Variants in GRB2 observed in about 807,000 individuals in gnomAD.
The protein encoded by GRB2 is growth factor receptor-bound protein 2.
GRB2 carries 2 observed loss-of-function variants against 27.4 expected under a neutral mutation model. The observed-to-expected ratio is 0.07, with a 90% confidence interval of 0.03 to 0.23. The LOEUF (loss-of-function observed/expected upper bound fraction) is 0.23. Among genes scored for constraint, GRB2 ranks in the 10% least tolerant of loss-of-function variants. The pLI is 1.00. For synonymous variants in GRB2, 94 were observed against 99.6 expected (o/e 0.94, Z 0.33); for missense variants, 102 against 282.4 (o/e 0.36, Z 4.58).
At chr17:75,321,330 C>A (rs1473375982) in intron 5 of GRB2, among the ~76,000 whole-genome samples, 1 of 151,980 alleles carries the variant, frequency 6.6e-6, no homozygotes, top group Non-Finnish European at 1.5e-5. Flanking sequence ...GTGTGCGCCA[C>A]CACATCCAGC....
At chr17:75,361,289 C>G (rs898360906) in intron 2 of GRB2, among the ~76,000 whole-genome samples, 1 of 152,092 alleles carries the variant, frequency 6.6e-6, no homozygotes, top group Non-Finnish European at 1.5e-5. Flanking sequence ...ATTTTGCGAA[C>G]CTGTCTTAAA....
At chr17:75,380,678 T>C (rs151313026) in intron 2 of GRB2, among the ~76,000 whole-genome samples, 45 of 152,332 alleles carry the variant, frequency 3.0e-4, no homozygotes, top group African/African-American at 1.1e-3. Context: ...AATTAAATTA[T>C]GAATACATGC....
chr17:75,324,578 C>T (rs1000649780), intron 4 of GRB2, among the ~76,000 whole-genome samples: 11 of 135,478 alleles, frequency 8.1e-5, no homozygotes, highest in East Asian at 2.2e-4. Context: ...AGTGCAATGG[C>T]GCCATCTCGC....
chr17:75,352,486 T>C (rs1412664530), intron 2 of GRB2, among the ~76,000 whole-genome samples: 1 of 146,014 alleles, frequency 6.8e-6, no homozygotes, highest in Non-Finnish European at 1.5e-5. Flanking sequence ...AAAGGAGAAA[T>C]GTGTGTACAA....
chr17:75,392,628 A>T (rs952424853), intron 2 of GRB2, among the ~76,000 whole-genome samples: 3 of 152,228 alleles, frequency 2.0e-5, no homozygotes, highest in African/African-American at 2.4e-5. Context: ...CAATCAGTCT[A>T]AGGCTCAGAA....
intron 4 of GRB2, among the ~76,000 whole-genome samples, chr17:75,322,721 C>A (rs898902481): frequency 9.9e-5 from 15 of 152,258 alleles, no homozygotes; most frequent in African/African-American, 3.4e-4. Context: ...CCGGCAACAG[C>A]GTGGCTGGCT....
intron 2 of GRB2, among the ~76,000 whole-genome samples, chr17:75,386,339 A>G (rs1487489439): frequency 6.6e-6 from 1 of 152,140 alleles, no homozygotes; most frequent in Non-Finnish European, 1.5e-5. Context: ...GGCTGGTCGC[A>G]AACTCTGACC....
chr17:75,401,552 A>T (rs370425968), intron 1 of GRB2, among the ~76,000 whole-genome samples: 2 of 151,642 alleles, frequency 1.3e-5, no homozygotes, highest in East Asian at 3.9e-4. Flanking sequence ...TTGTATTTTC[A>T]TTATTTTTAC....
At chr17:75,343,049 CAAAAAA>C (rs56264803) in intron 2 of GRB2, among the ~76,000 whole-genome samples, 3 of 58,596 alleles carry the variant, frequency 5.1e-5, no homozygotes, top group East Asian at 1.1e-3. Flanking sequence ...AACCTTGTCT[CAAAAAA>C]AAAAAAAAGG....
chr17:75,380,038 C>G (rs139778590), intron 2 of GRB2, among the ~76,000 whole-genome samples: 2 of 152,148 alleles, frequency 1.3e-5, no homozygotes, highest in African/African-American at 2.4e-5. Flanking sequence ...CCAGTTTTAG[C>G]GCCAATTTGT....
At chr17:75,388,919 C>G (rs2078981694) in intron 2 of GRB2, among the ~76,000 whole-genome samples, 1 of 152,140 alleles carries the variant, frequency 6.6e-6, no homozygotes, top group South Asian at 2.1e-4. Flanking sequence ...TAAAATGCCC[C>G]TATCTGACAG....
intron 2 of GRB2, among the ~76,000 whole-genome samples, chr17:75,344,123 G>A (rs561874539): frequency 4.1e-4 from 63 of 152,196 alleles, no homozygotes; most frequent in African/African-American, 8.7e-4. Flanking sequence ...CACCAAAGAC[G>A]ATGACTTAAC....
At chr17:75,350,861 T>C (rs57518518) in intron 2 of GRB2, among the ~76,000 whole-genome samples, 6,257 of 152,050 alleles carry the variant, frequency 0.041, 409 homozygotes, top group African/African-American at 0.14. Flanking sequence ...GGGACGGGCA[T>C]TGAGGACACA....
At chr17:75,401,526 G>T (rs995680771) in intron 1 of GRB2, among the ~76,000 whole-genome samples, 1 of 150,262 alleles carries the variant, frequency 6.7e-6, no homozygotes, top group Non-Finnish European at 1.5e-5. Flanking sequence ...TTTACTTTCT[G>T]CATGATACAC....
intron 1 of GRB2, among the ~76,000 whole-genome samples, chr17:75,401,435 G>C (rs2079063203): frequency 2.5e-5 from 3 of 117,842 alleles, no homozygotes; most frequent in African/African-American, 9.3e-5. Context: ...CTGGGCGACA[G>C]AGCGAGACTC....
At chr17:75,360,736 C>G in intron 2 of GRB2, among the ~76,000 whole-genome samples, 1 of 152,196 alleles carries the variant, frequency 6.6e-6, no homozygotes. Context: ...TCAGATAAAT[C>G]CCCTTATAAA....
chr17:75,329,629 C>T (rs1457059594), intron 3 of GRB2, among the ~76,000 whole-genome samples: 3 of 152,188 alleles, frequency 2.0e-5, no homozygotes, highest in Non-Finnish European at 4.4e-5. Context: ...CAGTTGCTCA[C>T]GCCTGTTAAT....
chr17:75,354,264 T>TTGGGGGGGG lies in GRB2; in HGVS notation c.79-21468_79-21467insCCCCCCCCA, dbSNP rs1555610715. 4.7e-4 allele frequency among the ~76,000 whole-genome samples: 18 copies of TTGGGGGGGG among 38,264 alleles called. 2 individuals are homozygous for TTGGGGGGGG. Among genetic ancestry groups the TTGGGGGGGG allele is most frequent in the Middle Eastern group, 0.021 (2 of 96 alleles). The allele number at this position is 38,264 out of a possible 152,430, so 25.1% of individuals were successfully genotyped here. A position where few individuals can be genotyped will look rare whatever the true frequency, so the allele number is the denominator to read the frequency against. On this transcript the variant is annotated intron_variant, in intron 2 of 5. Coordinates refer to ENST00000316804, the MANE Select transcript of GRB2 (RefSeq NM_002086.5). ...AAAGTTTATTCATGGTCTTTTTTTTTGGGGGGGGGGGGGAGATGGAGTTTC... is the reference window on the plus strand; with the variant it reads ...AAAGTTTATTCATGGTCTTTTTTTTTTGGGGGGGGGGGGGGGGGGGGGAGATGGAGTTTC...
intron 2 of GRB2, among the ~76,000 whole-genome samples, chr17:75,344,164 T>C (rs2078640073): frequency 6.6e-6 from 1 of 152,166 alleles, no homozygotes; most frequent in African/African-American, 2.4e-5. Context: ...GAAAACATCC[T>C]AGATGAAGTG....
Sources: gnomAD v4.1 joint callset for allele counts (sites outside exome capture counted in the v4.1 genomes callset) on GRCh38, gnomAD v4.1.1 for gene constraint, MANE v1.5 for transcripts, NCBI Gene and HGNC (gene_info 2026-07-23, HGNC 2026-07-21) for gene names.